The following DNAH1 variants were observed in gnomAD, a reference collection of about 807,000 sequenced individuals.
DNAH1 encodes axonemal beta dynein heavy chain 1.
In DNAH1, 327 loss-of-function variants were observed where a neutral mutation model predicts 484.3. That is an observed-to-expected ratio of 0.68 (90% CI 0.62 to 0.74). The LOEUF (loss-of-function observed/expected upper bound fraction) is 0.74. DNAH1 is among the 30% of genes least tolerant of loss of function. The pLI, the probability that DNAH1 is intolerant of heterozygous loss-of-function variation, is 0.00. For missense variants in DNAH1, 5,052 were observed against 5,546.8 expected, an observed-to-expected ratio of 0.91 and a Z score of 2.83; for synonymous variants, 2,192 against 2,191.9, an observed-to-expected ratio of 1.00 and a Z score of 0.00.
intron 10 of DNAH1, 24 bp from the exon 11 acceptor site, chr3:52,346,447 AT>A (rs1559508600): frequency 6.3e-7 from 1 of 1,590,436 alleles, no homozygotes; most frequent in South Asian, 1.1e-5. Flanking sequence ...GGGTGGCCAT[AT>A]GATGATGCCT....
chr3:52,318,415 C>T (rs943504021), intron 1 of DNAH1, among the ~76,000 whole-genome samples: 3 of 152,238 alleles, frequency 2.0e-5, no homozygotes, highest in Non-Finnish European at 4.4e-5. Flanking sequence ...GGCCCCATCC[C>T]CATGCTGAGC....
Position 52,391,341 on chromosome 3 carries a change from T to C in DNAH1, c.9891+13T>C, listed in dbSNP as rs1559567675. 3 of 1,603,596 alleles carry C rather than the reference T, an allele frequency of 1.9e-6. No individual in the cohort carries two copies. The highest frequency in any genetic ancestry group is 2.6e-6 in the Non-Finnish European group (3 of 1,175,102). The stretch of plus-strand genomic sequence containing the variant: ...GCTGCTCAAGCAGGTGGGTCTGCAG[T>C]GGTGATGGCAGGGTGGCAGTAGGCC... On this transcript the variant is annotated intron_variant, in intron 62 of 77. Transcript: ENST00000420323.
chr3:52,324,151 T>C (rs954366128), intron 3 of DNAH1, among the ~76,000 whole-genome samples: 1 of 152,162 alleles, frequency 6.6e-6, no homozygotes, highest in Non-Finnish European at 1.5e-5. Flanking sequence ...TTTCTTTCCC[T>C]GGCTGAGGTC....
chr3:52,358,692 C>T lies in DNAH1; in HGVS notation c.4221C>T (p.Ala1407=), dbSNP rs762225261. Residue 1407 remains alanine, a synonymous_variant, in exon 25 of 78, where the codon GCC becomes GCT. Coordinates refer to ENST00000420323, the MANE Select transcript of DNAH1 (RefSeq NM_015512.5). This position sits in a 1 kb window ranked among gnomAD's most constrained non-coding sequence, Gnocchi z 4.2. The part of the protein sequence containing the change: ...WLREVERSMK[A]SVHDIIEKAI... ...GGGAGGTGGAGCGCAGCATGAAGGC[C>T]AGTGTGCACGACATCATTGAGAAGG... 1.2e-6 allele frequency: 2 copies of T among 1,613,046 alleles called. No individual in the cohort carries two copies. The highest frequency in any genetic ancestry group is 1.7e-6 in the Non-Finnish European group (2 of 1,179,742).
chr3:52,383,119 G>A (rs1429954726), intron 50 of DNAH1, among the ~76,000 whole-genome samples: 22 of 152,236 alleles, frequency 1.4e-4, no homozygotes, highest in Non-Finnish European at 2.9e-5. Flanking sequence ...GAGACATGGA[G>A]AGGGGCGAAG....
chr3:52,368,977 C>T lies in DNAH1; in HGVS notation c.5943+59C>T, dbSNP rs1334271003. The T allele has an allele frequency of 3.8e-6, 6 of 1,580,490 alleles. No homozygotes were observed. The highest frequency in any genetic ancestry group is 5.2e-6 in the Non-Finnish European group (6 of 1,154,534). On this transcript the variant is annotated intron_variant, in intron 37 of 77. Transcript: ENST00000420323. This position sits in a 1 kb window ranked among gnomAD's most constrained non-coding sequence, Gnocchi z 4.4. ...CAAGGCTGGGTGGGCCTGGAGGCTGCATCATGCTGGCCAAACTCTGCCCCC... is the reference window on the plus strand; with the variant it reads ...CAAGGCTGGGTGGGCCTGGAGGCTGTATCATGCTGGCCAAACTCTGCCCCC...
Position 52,359,896 on chromosome 3 carries a change from A to G in DNAH1, c.4408-20A>G, listed in dbSNP as rs1196570761. ...TCCTCGTGGTACCCTGATGTTTGAC[A>G]GTGCACCCCATTTCTGCAGCTCAGT... On this transcript the variant is annotated intron_variant, in intron 26 of 77. Coordinates refer to ENST00000420323, the MANE Select transcript of DNAH1 (RefSeq NM_015512.5). The G allele has an allele frequency of 3.1e-6, 5 of 1,612,706 alleles. No individual in the cohort carries two copies. Among genetic ancestry groups the G allele is most frequent in the Middle Eastern group, 3.3e-4 (2 of 6,078 alleles).
chr3:52,378,594 T>A lies in DNAH1; in HGVS notation c.7199-8T>A. The A allele has an allele frequency of 6.2e-7, 1 of 1,612,978 alleles. No homozygotes were observed. The highest frequency in any genetic ancestry group is 8.5e-7 in the Non-Finnish European group (1 of 1,179,704). ...CATGTGACCCAGGCCATTCTCCTAT[T>A]CCCCCAGCTGGGGCCCCCCACATTG... On this transcript the variant is annotated splice_polypyrimidine_tract_variant and splice_region_variant and intron_variant, in intron 46 of 77. Coordinates refer to ENST00000420323, the MANE Select transcript of DNAH1 (RefSeq NM_015512.5).
chr3:52,376,383 C>T (rs776762008), intron 46 of DNAH1, among the ~76,000 whole-genome samples: 3 of 152,216 alleles, frequency 2.0e-5, no homozygotes, highest in Non-Finnish European at 1.5e-5. Context: ...CCCGTCGTCG[C>T]GGCAAGGCGG....
rs779054079 is a variant in DNAH1, at chr3:52,326,726, C to T, written c.582-9C>T. The T allele has an allele frequency of 3.1e-6, 5 of 1,597,404 alleles. No homozygotes were observed. In the Admixed American group the frequency reaches 8.5e-5, roughly 27 times the overall value. On this transcript the variant is annotated splice_polypyrimidine_tract_variant and intron_variant, in intron 4 of 77. Transcript: ENST00000420323. ...GCCATCCTGAGGTCCCCTCCCTGCCCTTGACCAGGAGGAAACAGCAGTACC... is the reference window on the plus strand; with the variant it reads ...GCCATCCTGAGGTCCCCTCCCTGCCTTTGACCAGGAGGAAACAGCAGTACC...
rs1164806866 is a variant in DNAH1, at chr3:52,361,817, G to A, written c.4980+51G>A. The A allele has an allele frequency of 3.9e-6, 6 of 1,529,122 alleles. No individual in the cohort carries two copies. Among genetic ancestry groups the A allele is most frequent in the East Asian group, 2.4e-5 (1 of 40,938 alleles). The allele number at this position is 1,529,122 out of a possible 1,614,324, so 94.7% of individuals were successfully genotyped here. A position where few individuals can be genotyped will look rare whatever the true frequency, so the allele number is the denominator to read the frequency against. On this transcript the variant is annotated intron_variant, in intron 30 of 77. Coordinates refer to ENST00000420323, the MANE Select transcript of DNAH1 (RefSeq NM_015512.5). This position sits in a 1 kb window ranked among gnomAD's most constrained non-coding sequence, Gnocchi z 5.6. ...CCCTCAGATCTGCCATACTCACGCC[G>A]CCATACTGCTCCCCATTGCAGGCTG...
intron 8 of DNAH1, among the ~76,000 whole-genome samples, chr3:52,335,822 C>T (rs536738072): frequency 1.2e-4 from 18 of 152,040 alleles, no homozygotes; most frequent in Middle Eastern, 3.4e-3. Flanking sequence ...TTAGTAGAGA[C>T]GGGGTTTCTC....
chr3:52,311,588 C>T (rs1355437847), upstream of DNAH1, among the ~76,000 whole-genome samples: 1 of 152,188 alleles, frequency 6.6e-6, no homozygotes, highest in East Asian at 1.9e-4. Context: ...TTAACCTGCC[C>T]TCCAGCCCTC....
Position 52,352,539 on chromosome 3 carries a change from C to G in DNAH1, c.2872-13C>G, listed in dbSNP as rs758611841. The G allele has an allele frequency of 6.2e-7, 1 of 1,605,034 alleles. No homozygotes were observed. The highest frequency in any genetic ancestry group is 8.5e-7 in the Non-Finnish European group (1 of 1,173,246). On this transcript the variant is annotated splice_polypyrimidine_tract_variant and intron_variant, in intron 17 of 77. Coordinates refer to ENST00000420323, the MANE Select transcript of DNAH1 (RefSeq NM_015512.5). ...CTGCAGGGGCATCTGACCCATTGCT[C>G]CTTGGCCTGCAGCTGGTAGTAGCTG...
At chr3:52,348,787 C>G in intron 12 of DNAH1, 101 bp from the exon 13 acceptor site, 1 of 1,306,188 alleles carries the variant, frequency 7.7e-7, no homozygotes, top group Non-Finnish European at 1.1e-6. Context: ...CACATCCTGC[C>G]CCTGCTTGCC....
In DNAH1 at chr3:52,395,621, G is replaced by A. The variant is rs1297941367; in HGVS notation, c.11202G>A (p.Leu3734=). 4.3e-6 allele frequency: 7 copies of A among 1,613,796 alleles called. No homozygotes were observed. The highest frequency in any genetic ancestry group is 5.1e-6 in the Non-Finnish European group (6 of 1,179,910). ...GKWVFFQNCH[L]APSWMPALER... ...GGGTCTTCTTCCAGAACTGCCACCT[G>A]GCACCAAGCTGGATGCCAGCCCTAG... Residue 3734 remains leucine, a synonymous_variant, in exon 70 of 78, where the codon CTG becomes CTA. Transcript: ENST00000420323. This position sits in a 1 kb window ranked among gnomAD's most constrained non-coding sequence, Gnocchi z 4.4.
chr3:52,395,675 C>A lies in DNAH1; in HGVS notation c.11256C>A (p.Asp3752Glu), dbSNP rs769965685. 6.2e-7 allele frequency: 1 copy of A among 1,613,246 alleles called. No individual in the cohort carries two copies. The highest frequency in any genetic ancestry group is 8.5e-7 in the Non-Finnish European group (1 of 1,179,620). ...LERLIEHINPDKVHRDFRLWL... is the reference protein window; with the variant it reads ...LERLIEHINPEKVHRDFRLWL... ...GCCTCATCGAGCACATCAACCCCGA[C>A]AAGGTGTGTTGCCCTGCCCATCACA... Residue 3752 changes from aspartate (D) to glutamate (E), a missense_variant, in exon 70 of 78, where the codon GAC becomes GAA. Around this residue, in one of 4 missense-constraint regions of DNAH1, gnomAD observed 853 missense variants for 899.0 expected, o/e 0.95. Transcript: ENST00000420323. The surrounding 1 kb of genome is among the most constrained non-coding windows in gnomAD (Gnocchi z 4.4).
At chr3:52,334,429 A>G (rs1701664625) in intron 8 of DNAH1, among the ~76,000 whole-genome samples, 1 of 152,204 alleles carries the variant, frequency 6.6e-6, no homozygotes, top group Non-Finnish European at 1.5e-5. Context: ...CTTGATAAAT[A>G]CTGTATACAC....
intron 54 of DNAH1, among the ~76,000 whole-genome samples, chr3:52,385,729 T>C (rs1163891225): frequency 1.3e-5 from 2 of 152,216 alleles, no homozygotes; most frequent in African/African-American, 4.8e-5. Flanking sequence ...CAGGGCCCCA[T>C]GTTGGAGGGC....
Sources: gnomAD v4.1 joint callset for allele counts (sites outside exome capture counted in the v4.1 genomes callset) on GRCh38, gnomAD v4.1.1 for gene constraint, gnomAD v4.1.1 regional missense constraint, Gnocchi (gnomAD v3.1) non-coding constraint, MANE v1.5 for transcripts, NCBI Gene and HGNC (gene_info 2026-07-23, HGNC 2026-07-21) for gene names.